Variants in COL25A1 observed in about 807,000 individuals in gnomAD.
COL25A1 encodes the protein collagen alpha-1(XXV) chain.
COL25A1 carries 103 observed loss-of-function variants against 128.4 expected under a neutral mutation model. That is an observed-to-expected ratio of 0.80 (90% CI 0.68 to 0.94). The LOEUF is 0.94. Ranked by LOEUF, COL25A1 falls within the 40% of genes least tolerant of loss-of-function variation. COL25A1 has a pLI of 0.00. For synonymous variants in COL25A1, 279 were observed against 277.2 expected (o/e 1.01, Z -0.06); for missense variants, 745 against 840.0 (o/e 0.89, Z 1.40).
intron 3 of COL25A1, among the ~76,000 whole-genome samples, chr4:109,081,789 C>T (rs1280428888): frequency 6.6e-6 from 1 of 151,966 alleles, no homozygotes; most frequent in African/African-American, 2.4e-5. Flanking sequence ...CTGCAAACTC[C>T]ATCTCCCGGG....
At chr4:108,961,532 T>C (rs1000295852) in intron 8 of COL25A1, among the ~76,000 whole-genome samples, 17 of 146,600 alleles carry the variant, frequency 1.2e-4, no homozygotes, top group African/African-American at 4.3e-4. Context: ...TGACAGCATA[T>C]GCAACTTCAA....
In COL25A1 at chr4:108,809,633, T is replaced by G. The variant is rs981944592; in HGVS notation, c.*4294A>C. 6.6e-6 allele frequency: 1 copy of G among 152,020 alleles called. No individual in the cohort carries two copies. The highest frequency in any genetic ancestry group is 2.4e-5 in the African/African-American group (1 of 41,430). The allele number at this position is 152,020 out of a possible 1,614,324, so 9.4% of individuals were successfully genotyped here. A position where few individuals can be genotyped will look rare whatever the true frequency, so the allele number is the denominator to read the frequency against. On this transcript the variant is annotated 3_prime_UTR_variant, in exon 38 of 38. Transcript: ENST00000399132. ...TGAAATGAAAAAAGTCATTAAAGTG[T>G]TTATTAGTACGGGGTTAGCAAAAAC...
chr4:109,012,193 A>AT (rs1283626830), intron 5 of COL25A1, among the ~76,000 whole-genome samples: 4 of 152,186 alleles, frequency 2.6e-5, no homozygotes, highest in Non-Finnish European at 2.9e-5. Context: ...TATTAAAAAA[A>AT]TTTTTTTGAG....
chr4:108,971,583 G>A (rs1056981993), intron 8 of COL25A1, among the ~76,000 whole-genome samples: 9 of 152,294 alleles, frequency 5.9e-5, no homozygotes, highest in African/African-American at 2.2e-4. Context: ...GTCTGAAGAG[G>A]ACATGGAGGA....
intron 16 of COL25A1, among the ~76,000 whole-genome samples, chr4:108,891,402 A>G (rs1390349920): frequency 2.0e-5 from 3 of 152,218 alleles, no homozygotes; most frequent in African/African-American, 4.8e-5. Flanking sequence ...GCCAATCATT[A>G]ATATCCAACT....
chr4:108,859,699 G>T lies in COL25A1; in HGVS notation c.1277C>A (p.Thr426Asn), dbSNP rs773190578. Reference sequence around the variant, plus strand: ...GTTGCCGTTGTAGTCTATGATCTCAGTGGCTCCTTGATCCCCTTTTTGACC... The same window carrying T: ...GTTGCCGTTGTAGTCTATGATCTCATTGGCTCCTTGATCCCCTTTTTGACC... ...PPGQKGDQGA[T>N]EIIDYNGNLH... Residue 426 changes from threonine (T) to asparagine (N), a missense_variant, in exon 24 of 38, where the codon ACT becomes AAT. Physicochemically the swap from Thr to Asn is moderately conservative, Grantham distance 65. Transcript: ENST00000399132. 2 of 1,613,920 alleles carry T rather than the reference G, an allele frequency of 1.2e-6. No individual in the cohort carries two copies. The highest frequency in any genetic ancestry group is 2.2e-5 in the South Asian group (2 of 91,072).
intron 8 of COL25A1, chr4:108,942,358 G>C: frequency 8.7e-7 from 1 of 1,151,554 alleles, no homozygotes; most frequent in Non-Finnish European, 1.3e-6. Context: ...CACATACCTA[G>C]CACCTCCCTT....
At chr4:108,912,840 T>G (rs540455179) in intron 13 of COL25A1, among the ~76,000 whole-genome samples, 7 of 152,272 alleles carry the variant, frequency 4.6e-5, no homozygotes, top group African/African-American at 1.7e-4. Context: ...TGAAGATTAA[T>G]GTCAGTGAAG....
intron 6 of COL25A1, among the ~76,000 whole-genome samples, chr4:109,006,324 G>A (rs1434338846): frequency 6.9e-6 from 1 of 145,146 alleles, no homozygotes; most frequent in Non-Finnish European, 1.5e-5. Flanking sequence ...CGGTTCTCCT[G>A]CCTCAGCCTC....
At chr4:108,888,312 T>C (rs1392655351) in intron 18 of COL25A1, among the ~76,000 whole-genome samples, 1 of 152,202 alleles carries the variant, frequency 6.6e-6, no homozygotes, top group Non-Finnish European at 1.5e-5. Context: ...GGATTTATTC[T>C]CTCTTCCCTT....
intron 3 of COL25A1, among the ~76,000 whole-genome samples, chr4:109,109,575 G>A (rs3113719): frequency 0.21 from 32,259 of 152,022 alleles, 4,078 homozygotes; most frequent in East Asian, 0.39. Context: ...GTTACCTAAA[G>A]CAACTAATGA....
chr4:109,217,825 A>G (rs1382333801), intron 3 of COL25A1, among the ~76,000 whole-genome samples: 1 of 152,214 alleles, frequency 6.6e-6, no homozygotes, highest in Non-Finnish European at 1.5e-5. Flanking sequence ...TTAGTCAATA[A>G]CAACAGGAAA....
chr4:109,301,712 G>C lies in COL25A1; in HGVS notation c.297+11C>G. ...TGTTACCCACGTGCAAAATACCCCAGCCTCTCACACCTGAGCCAGAAGTCG... is the reference window on the plus strand; with the variant it reads ...TGTTACCCACGTGCAAAATACCCCACCCTCTCACACCTGAGCCAGAAGTCG... On this transcript the variant is annotated intron_variant, in intron 2 of 37. Coordinates refer to ENST00000399132, the MANE Select transcript of COL25A1 (RefSeq NM_198721.4). 6.2e-7 allele frequency: 1 copy of C among 1,608,324 alleles called. No homozygotes were observed. The highest frequency in any genetic ancestry group is 8.5e-7 in the Non-Finnish European group (1 of 1,176,092).
chr4:109,285,295 T>C (rs959342618), intron 3 of COL25A1, among the ~76,000 whole-genome samples: 1 of 152,204 alleles, frequency 6.6e-6, no homozygotes, highest in Non-Finnish European at 1.5e-5. Flanking sequence ...CCATGCTATA[T>C]AAAGAGAAGA....
At chr4:108,965,142 T>C (rs552587838) in intron 8 of COL25A1, among the ~76,000 whole-genome samples, 1 of 152,350 alleles carries the variant, frequency 6.6e-6, no homozygotes, top group East Asian at 1.9e-4. Flanking sequence ...GAACTTAATC[T>C]GTCTTGCCAA....
intron 5 of COL25A1, among the ~76,000 whole-genome samples, chr4:109,013,885 CCCA>C (rs1756951340): frequency 6.6e-6 from 1 of 152,154 alleles, no homozygotes; most frequent in Admixed American, 6.5e-5. Context: ...AGACCAAGAG[CCCA>C]CCAATTTCAG....
chr4:108,854,141 G>A (rs1296059136), intron 24 of COL25A1: 1 of 152,152 alleles, frequency 6.6e-6, no homozygotes, highest in African/African-American at 2.4e-5. Context: ...TTAATAAATG[G>A]TGTTGGGAAA....
intron 5 of COL25A1, among the ~76,000 whole-genome samples, chr4:109,036,159 C>T (rs1020361066): frequency 6.6e-6 from 1 of 152,046 alleles, no homozygotes; most frequent in Non-Finnish European, 1.5e-5. Context: ...GATCTCCTGA[C>T]CTCATGATCC....
chr4:108,886,715 C>T (rs1229996550), intron 18 of COL25A1, among the ~76,000 whole-genome samples: 1 of 151,998 alleles, frequency 6.6e-6, no homozygotes, highest in African/African-American at 2.4e-5. Flanking sequence ...GGATTTGATT[C>T]GTTATCCCAT....
Sources: allele counts gnomAD v4.1 joint callset (sites outside exome capture counted in the v4.1 genomes callset), GRCh38; gene constraint gnomAD v4.1.1; transcripts MANE v1.5; gene names NCBI Gene and HGNC (gene_info 2026-07-23, HGNC 2026-07-21).